Variants in VSTM4 observed in about 807,000 individuals in gnomAD.
VSTM4 encodes the protein V-set and transmembrane domain containing 4, also known as V-set and transmembrane domain-containing protein 4.
Under a neutral mutation model 36.4 loss-of-function variants are expected in VSTM4, and 20 were observed. The ratio of observed to expected loss-of-function variants is 0.55; its 90% confidence interval spans 0.39 to 0.80. The LOEUF (loss-of-function observed/expected upper bound fraction) is 0.80, where lower values mean the gene tolerates loss of function less well. Ranked by LOEUF, VSTM4 falls within the 30% of genes least tolerant of loss-of-function variation. The pLI is 0.00. For synonymous variants in VSTM4, 182 were observed against 173.9 expected, an observed-to-expected ratio of 1.05 and a Z score of -0.37; for missense variants, 392 against 404.5, an observed-to-expected ratio of 0.97 and a Z score of 0.26.
chr10:49,091,283 A>G (rs1844469019), intron 2 of VSTM4, among the ~76,000 whole-genome samples: 1 of 152,214 alleles, frequency 6.6e-6, no homozygotes, highest in Non-Finnish European at 1.5e-5. Flanking sequence ...CCCAGATGAC[A>G]GAGCTACAGG....
At chr10:49,097,431 C>G (rs1428817124) in intron 2 of VSTM4, among the ~76,000 whole-genome samples, 1 of 151,030 alleles carries the variant, frequency 6.6e-6, no homozygotes, top group Non-Finnish European at 1.5e-5. Context: ...ATTCCCAAAG[C>G]TGAGGGAGCA....
intron 5 of VSTM4, among the ~76,000 whole-genome samples, chr10:49,056,725 G>A (rs1843785801): frequency 6.6e-6 from 1 of 152,222 alleles, no homozygotes; most frequent in South Asian, 2.1e-4. Context: ...CCTGCCCACT[G>A]TAGCATCCCT....
intron 2 of VSTM4, among the ~76,000 whole-genome samples, chr10:49,087,292 C>T (rs576069682): frequency 1.4e-4 from 22 of 152,268 alleles, no homozygotes; most frequent in Non-Finnish European, 2.5e-4. Flanking sequence ...TCTAATTCTG[C>T]GACCATATCA....
intron 7 of VSTM4, among the ~76,000 whole-genome samples, chr10:49,028,606 G>T (rs1220501105): frequency 1.3e-5 from 2 of 152,214 alleles, no homozygotes; most frequent in African/African-American, 4.8e-5. Flanking sequence ...ATATCATTTT[G>T]TAGGTGTCTT....
intron 2 of VSTM4, among the ~76,000 whole-genome samples, chr10:49,098,772 C>T (rs1422553961): frequency 6.6e-6 from 1 of 152,194 alleles, no homozygotes; most frequent in Non-Finnish European, 1.5e-5. Flanking sequence ...CATCCTGTCC[C>T]CTGCACTCAC....
At chr10:49,103,860 C>A (rs767688315) in intron 2 of VSTM4, 64 of 1,613,394 alleles carry the variant, frequency 4.0e-5, no homozygotes, top group Middle Eastern at 1.6e-4. Flanking sequence ...GCTGGAGACT[C>A]CTGTTGAAAG....
chr10:49,077,214 C>T lies in VSTM4; in HGVS notation c.634+5G>A, dbSNP rs1172610783. The T allele has an allele frequency of 1.2e-6, 2 of 1,613,678 alleles. No homozygotes were observed. Among genetic ancestry groups the T allele is most frequent in the East Asian group, 4.5e-5 (2 of 44,884 alleles). On this transcript the variant is annotated splice_donor_5th_base_variant and intron_variant, in intron 4 of 7. Coordinates refer to ENST00000332853, the MANE Select transcript of VSTM4 (RefSeq NM_001031746.5). ...TCCCAGACATGACCTTATCTGTTTT[C>T]TTACCTCTGGATTTCCGCTTGTTAA... is the stretch of plus-strand genomic sequence containing the variant.
intron 7 of VSTM4, among the ~76,000 whole-genome samples, chr10:49,022,651 C>T (rs1843199819): frequency 6.6e-6 from 1 of 152,072 alleles, no homozygotes; most frequent in Non-Finnish European, 1.5e-5. Context: ...TTACAAGCAA[C>T]AAAAACCCTG....
chr10:49,104,008 G>T, intron 2 of VSTM4: 1 of 684,982 alleles, frequency 1.5e-6, no homozygotes, highest in Non-Finnish European at 2.4e-6. Context: ...GTTGTTCTGT[G>T]TTTTTGTTTT....
Position 49,073,279 on chromosome 10 carries a change from C to T in VSTM4, c.634+3940G>A, listed in dbSNP as rs967521509. ...TCTAGGGGAGGGAACACCCTCAAAA[C>T]CCCTTGCAGTGGTGCCAAGGCTCTG... On this transcript the variant is annotated intron_variant, in intron 4 of 7. Transcript: ENST00000332853. Among the ~76,000 whole-genome samples the T allele has an allele frequency of 9.8e-5, 15 of 152,298 alleles. No homozygotes were observed. In the South Asian group the frequency reaches 2.3e-3, roughly 23 times the overall value.
chr10:49,026,743 C>T (rs1157172563), intron 7 of VSTM4, among the ~76,000 whole-genome samples: 1 of 152,150 alleles, frequency 6.6e-6, no homozygotes. Context: ...GATTTATTCC[C>T]TCACAGCAGA....
At chr10:49,045,206 C>T (rs973079312) in intron 7 of VSTM4, among the ~76,000 whole-genome samples, 2 of 151,112 alleles carry the variant, frequency 1.3e-5, no homozygotes, top group African/African-American at 4.9e-5. Flanking sequence ...CTTTCTTTCT[C>T]TCTCTCTCTC....
rs17700453 is a variant in VSTM4, at chr10:49,015,481, C to T, written c.*4169G>A. ...GCATGCATTAAAGGTTGAGAAAGCA[C>T]TAGTCTACATGCCCATCTATCTGGA... On this transcript the variant is annotated 3_prime_UTR_variant, in exon 8 of 8. Coordinates refer to ENST00000332853, the MANE Select transcript of VSTM4 (RefSeq NM_001031746.5). 7,640 of 152,296 alleles carry T rather than the reference C, an allele frequency of 0.05. 226 individuals carry two copies. The highest frequency in any genetic ancestry group is 0.12 in the Middle Eastern group (35 of 296). 9.4% of individuals were successfully genotyped at this position (152,296 alleles called of 1,614,324 possible). A position where few individuals can be genotyped will look rare whatever the true frequency, so the allele number is the denominator to read the frequency against.
rs146631798 is a variant in VSTM4 at position 49,044,489 on chromosome 10, TAAAG to T, written c.837+2490_837+2493del. Among the ~76,000 whole-genome samples the T allele has an allele frequency of 8.8e-3, 769 of 87,160 alleles. 7 individuals are homozygous for T. The highest frequency in any genetic ancestry group is 0.032 in the African/African-American group (736 of 22,698). The allele number at this position is 87,160 out of a possible 152,430, so 57.2% of individuals were successfully genotyped here. A position where few individuals can be genotyped will look rare whatever the true frequency, so the allele number is the denominator to read the frequency against. On this transcript the variant is annotated intron_variant, in intron 7 of 7. Transcript: ENST00000332853. ...AAAAGAAAGAAAGAAGAGAAAAAAT[TAAAG>T]AAAAGAAGGAAGGAAGGAGAAAAAG...
intron 5 of VSTM4, among the ~76,000 whole-genome samples, chr10:49,053,804 C>T (rs1441482752): frequency 6.6e-6 from 1 of 152,186 alleles, no homozygotes; most frequent in Non-Finnish European, 1.5e-5. Context: ...GACAGCTGCC[C>T]TCCCACTAAT....
chr10:49,058,960 G>A (rs1436915914), intron 5 of VSTM4, among the ~76,000 whole-genome samples: 20 of 152,238 alleles, frequency 1.3e-4, no homozygotes, highest in Admixed American at 1.2e-3. Flanking sequence ...GCACAGAGCA[G>A]GCAGACAGAT....
rs894256578 is a variant in VSTM4, at chr10:49,016,705, C to T, written c.*2945G>A. Reference sequence around the variant, plus strand: ...AAGAGTCAAGAGGTGGGAGGCCTGGCTTTTCCTTATTTTCCCTGTGAGCTA... The same window carrying T: ...AAGAGTCAAGAGGTGGGAGGCCTGGTTTTTCCTTATTTTCCCTGTGAGCTA... On this transcript the variant is annotated 3_prime_UTR_variant, in exon 8 of 8. Coordinates refer to ENST00000332853, the MANE Select transcript of VSTM4 (RefSeq NM_001031746.5). The T allele has an allele frequency of 3.9e-5, 6 of 152,240 alleles. No homozygotes were observed. The highest frequency in any genetic ancestry group is 8.8e-5 in the Non-Finnish European group (6 of 68,044). 9.4% of individuals were successfully genotyped at this position (152,240 alleles called of 1,614,324 possible). A position where few individuals can be genotyped will look rare whatever the true frequency, so the allele number is the denominator to read the frequency against.
chr10:49,045,310 C>T (rs760406559), intron 7 of VSTM4, among the ~76,000 whole-genome samples: 1 of 151,890 alleles, frequency 6.6e-6, no homozygotes, highest in African/African-American at 2.4e-5. Context: ...TAAATATCCA[C>T]GGATCCATAC....
intron 2 of VSTM4, among the ~76,000 whole-genome samples, chr10:49,105,227 G>C (rs1032048393): frequency 6.8e-5 from 10 of 148,088 alleles, no homozygotes; most frequent in Admixed American, 3.4e-4. Flanking sequence ...GAGAGAGAGA[G>C]AGAGAGAGAC....
Sources: gnomAD v4.1 joint callset for allele counts (sites outside exome capture counted in the v4.1 genomes callset) on GRCh38, gnomAD v4.1.1 for gene constraint, MANE v1.5 for transcripts, NCBI Gene and HGNC (gene_info 2026-07-23, HGNC 2026-07-21) for gene names.